MAP3K1: variants seen among roughly 807,000 people sequenced by gnomAD.
The protein encoded by MAP3K1 is mitogen-activated protein kinase kinase kinase 1.
In MAP3K1, 36 loss-of-function variants were observed where a neutral mutation model predicts 144.2. That is an observed-to-expected ratio of 0.25 (90% CI 0.19 to 0.33). The LOEUF (loss-of-function observed/expected upper bound fraction) is 0.33, where lower values mean the gene tolerates loss of function less well. Among genes scored for constraint, MAP3K1 ranks in the 10% least tolerant of loss-of-function variants. MAP3K1 has a pLI of 1.00. For synonymous variants in MAP3K1, 718 were observed against 688.7 expected, an observed-to-expected ratio of 1.04 and a Z score of -0.67; for missense variants, 1,650 against 1,881.9, an observed-to-expected ratio of 0.88 and a Z score of 2.28.
At chr5:56,838,607 C>A (rs1027890265) in intron 1 of MAP3K1, among the ~76,000 whole-genome samples, 2 of 152,130 alleles carry the variant, frequency 1.3e-5, no homozygotes, top group Non-Finnish European at 2.9e-5. Context: ...TTAATGATTG[C>A]CTGAGTTAAC....
rs766159820 is a variant in MAP3K1, at chr5:56,875,171, G to A, written c.1826G>A (p.Ser609Asn). The A allele has an allele frequency of 3.7e-6, 6 of 1,614,190 alleles. No homozygotes were observed. The South Asian group carries it at 6.6e-5, about 18-fold the overall frequency. ...GAGAGCACTGGAAATTCTGGGGGCAGCAGTGGAAGCAGCCCGAGTGGGGGA... is the reference window on the plus strand; with the variant it reads ...GAGAGCACTGGAAATTCTGGGGGCAACAGTGGAAGCAGCCCGAGTGGGGGA... ...NGESTGNSGG[S>N]SGSSPSGGAT... The change falls in exon 10 of 20, where the codon AGC becomes AAC. Residue 609 changes from serine (S) to asparagine (N), a missense_variant. Physicochemically the swap from Ser to Asn is conservative, Grantham distance 46. Around this residue, in one of 6 missense-constraint regions of MAP3K1, gnomAD observed 841 missense variants for 886.5 expected, o/e 0.95. Coordinates refer to ENST00000399503, the MANE Select transcript of MAP3K1 (RefSeq NM_005921.2).
rs763362183 is a variant in MAP3K1, at chr5:56,881,150, C to G, written c.2247C>G (p.Asn749Lys). The change falls in exon 13 of 20, where the codon AAC becomes AAG. Residue 749 changes from asparagine (N) to lysine (K), a missense_variant. Coordinates refer to ENST00000399503, the MANE Select transcript of MAP3K1 (RefSeq NM_005921.2). ...TTCTTGGAAACCAAACTGAATCAAA[C>G]AATTGGCAAGAACTTCTTGGCCGCC... ...NCILGNQTES[N>K]NWQELLGRLC... The G allele has an allele frequency of 6.2e-7, 1 of 1,613,780 alleles. No individual in the cohort carries two copies. The highest frequency in any genetic ancestry group is 8.5e-7 in the Non-Finnish European group (1 of 1,179,862).
In MAP3K1 at chr5:56,876,774, C is replaced by G. The variant is rs183060331; in HGVS notation, c.1965+1464C>G. Among the ~76,000 whole-genome samples, 489 of 152,338 alleles carry G rather than the reference C, an allele frequency of 3.2e-3. 3 individuals are homozygous for G. Among genetic ancestry groups the G allele is most frequent in the Middle Eastern group, 6.8e-3 (2 of 294 alleles). ...TGAAATTAGATTATGTAGAAACTTT[C>G]AACCATATGCCTGGCACATTGTAAG... On this transcript the variant is annotated intron_variant, in intron 10 of 19. Transcript: ENST00000399503.
intron 11 of MAP3K1, 130 bp downstream of exon 11, chr5:56,879,231 G>A: frequency 8.0e-7 from 1 of 1,254,722 alleles, no homozygotes; most frequent in East Asian, 2.3e-5. Context: ...TTTAATGTGA[G>A]ATTTAAAATG....
At chr5:56,816,548 C>A (rs748077316) in intron 1 of MAP3K1, among the ~76,000 whole-genome samples, 1 of 151,994 alleles carries the variant, frequency 6.6e-6, no homozygotes, top group Admixed American at 6.5e-5. Flanking sequence ...CTGAGAGGAC[C>A]GAAGAGAAAG....
Position 56,838,380 on chromosome 5 carries a change from A to G in MAP3K1, c.483-18220A>G, listed in dbSNP as rs13362466. ...GAAAAGTCATAAGTCAAAACCTGCC[A>G]GTTTAAAGTAAATGCAATTATTTGG... On this transcript the variant is annotated intron_variant, in intron 1 of 19. Transcript: ENST00000399503. Among the ~76,000 whole-genome samples the G allele has an allele frequency of 9.5e-3, 1,448 of 152,350 alleles. 32 individuals carry two copies. Among genetic ancestry groups the G allele is most frequent in the African/African-American group, 0.033 (1,391 of 41,586 alleles).
At chr5:56,859,281 A>G (rs1367124645) in intron 2 of MAP3K1, among the ~76,000 whole-genome samples, 2 of 152,166 alleles carry the variant, frequency 1.3e-5, no homozygotes, top group Non-Finnish European at 1.5e-5. Flanking sequence ...AAGGTCCTAC[A>G]TTTTGTAAAA....
chr5:56,858,777 A>C (rs1364426900), intron 2 of MAP3K1, among the ~76,000 whole-genome samples: 1 of 152,174 alleles, frequency 6.6e-6, no homozygotes, highest in African/African-American at 2.4e-5. Context: ...ACTTCAGGGA[A>C]GTTTCATAAA....
intron 6 of MAP3K1, among the ~76,000 whole-genome samples, chr5:56,871,146 T>C (rs146838457): frequency 1.3e-5 from 2 of 152,320 alleles, no homozygotes; most frequent in East Asian, 3.9e-4. Flanking sequence ...ATGTTGCGAT[T>C]TTGCCATAAA....
chr5:56,862,656 A>G (rs1488152992), intron 3 of MAP3K1, among the ~76,000 whole-genome samples: 1 of 152,258 alleles, frequency 6.6e-6, no homozygotes, highest in East Asian at 1.9e-4. Context: ...GTGCTTCAAA[A>G]GTATTTTTAT....
At chr5:56,845,496 T>A (rs1437522484) in intron 1 of MAP3K1, among the ~76,000 whole-genome samples, 1 of 152,218 alleles carries the variant, frequency 6.6e-6, no homozygotes, top group Non-Finnish European at 1.5e-5. Context: ...ACAGTAGTAG[T>A]GTAGGAAGTT....
chr5:56,843,791 T>A (rs1246443011), intron 1 of MAP3K1, among the ~76,000 whole-genome samples: 1 of 152,188 alleles, frequency 6.6e-6, no homozygotes, highest in Non-Finnish European at 1.5e-5. Flanking sequence ...GAGCCTTAAT[T>A]GCACTACAGA....
rs552623347 is a variant in MAP3K1, at chr5:56,882,803, C to T, written c.3603C>T (p.Ala1201=). The stretch of plus-strand genomic sequence containing the variant: ...TGGCAATGTCAGCGTCTCAGGATGC[C>T]CTCCCCATAGTTCCTCAGCTGCAGG... The part of the protein sequence containing the change: ...IAMAMSASQD[A]LPIVPQLQVE... Residue 1201 remains alanine, a synonymous_variant, in exon 14 of 20, where the codon GCC becomes GCT. Coordinates refer to ENST00000399503, the MANE Select transcript of MAP3K1 (RefSeq NM_005921.2). 2 of 1,611,862 alleles carry T rather than the reference C, an allele frequency of 1.2e-6. No homozygotes were observed. Among genetic ancestry groups the T allele is most frequent in the South Asian group, 1.1e-5 (1 of 90,776 alleles).
At chr5:56,825,707 G>T (rs898135826) in intron 1 of MAP3K1, among the ~76,000 whole-genome samples, 26 of 152,294 alleles carry the variant, frequency 1.7e-4, no homozygotes, top group African/African-American at 6.3e-4. Flanking sequence ...TCAGTCACCA[G>T]TTCTTGTTAT....
intron 11 of MAP3K1, 110 bp from the exon 12 acceptor site, chr5:56,880,601 C>T: frequency 1.3e-6 from 1 of 755,354 alleles, no homozygotes; most frequent in Non-Finnish European, 2.4e-6. Context: ...GTAAACACTC[C>T]TGAAAACATT....
At position 56,815,581 on chromosome 5, in the gene MAP3K1, C is replaced by T. The variant is rs1490594459; in HGVS notation, c.8C>T (p.Ala3Val). 3.1e-6 allele frequency: 4 copies of T among 1,298,738 alleles called. No individual in the cohort carries two copies. Among genetic ancestry groups the T allele is most frequent in the African/African-American group, 3.1e-5 (2 of 64,592 alleles). The allele number at this position is 1,298,738 out of a possible 1,614,324, so 80.5% of individuals were successfully genotyped here. Residue 3 changes from alanine (A) to valine (V), a missense_variant, in exon 1 of 20, where the codon GCG (alanine) becomes GTG (valine). Around this residue, in one of 6 missense-constraint regions of MAP3K1, gnomAD observed 360 missense variants for 274.7 expected, o/e 1.31. Coordinates refer to ENST00000399503, the MANE Select transcript of MAP3K1 (RefSeq NM_005921.2). Reference protein sequence around the residue: MAAAAGNRASSSG... With the variant: MAVAAGNRASSSG... ...TGTAGCCCGCGAGAGAAAATGGCGG[C>T]GGCGGCGGGGAATCGCGCCTCGTCG...
At chr5:56,856,975 T>C (rs1226439637) in intron 2 of MAP3K1, among the ~76,000 whole-genome samples, 1 of 152,200 alleles carries the variant, frequency 6.6e-6, no homozygotes, top group Non-Finnish European at 1.5e-5. Context: ...GAGGGGTAAA[T>C]GCTTAAACCA....
chr5:56,891,159 C>G (rs58835146), intron 19 of MAP3K1, among the ~76,000 whole-genome samples: 1 of 144,906 alleles, frequency 6.9e-6, no homozygotes, highest in Admixed American at 7.0e-5. Context: ...CCCCCCCCCC[C>G]CACACACACA....
chr5:56,816,236 C>T (rs943095688), intron 1 of MAP3K1, among the ~76,000 whole-genome samples, 181 bp downstream of exon 1: 1 of 152,044 alleles, frequency 6.6e-6, no homozygotes, highest in African/African-American at 2.4e-5. Flanking sequence ...GCCCCGGACC[C>T]AGCCTGGGGG....
Sources: allele counts gnomAD v4.1 joint callset (sites outside exome capture counted in the v4.1 genomes callset), GRCh38; gene constraint gnomAD v4.1.1; regional missense constraint gnomAD v4.1.1; transcripts MANE v1.5; gene names NCBI Gene and HGNC (gene_info 2026-07-23, HGNC 2026-07-21).